FER1L5: variants seen among roughly 807,000 people sequenced by gnomAD.
The protein encoded by FER1L5 is fer-1-like protein 5.
A neutral mutation model predicts 279.9 loss-of-function variants in FER1L5; 187 were observed. The observed-to-expected ratio is 0.67, with a 90% CI of 0.59 to 0.75. The LOEUF (loss-of-function observed/expected upper bound fraction) is 0.75, where lower values mean the gene tolerates loss of function less well. Among genes scored for constraint, FER1L5 ranks in the 30% least tolerant of loss-of-function variants. FER1L5 has a pLI of 0.00. For missense variants in FER1L5, 2,091 were observed against 2,594.4 expected (o/e 0.81, Z 4.21); for synonymous variants, 921 against 989.7 (o/e 0.93, Z 1.30).
Position 96,693,648 on chromosome 2 carries a change from A to T in FER1L5, c.3435A>T (p.Pro1145=), listed in dbSNP as rs1176641875. The change falls in exon 32 of 53, where the codon CCA becomes CCT. Residue 1145 remains proline (P), a synonymous_variant. Transcript: ENST00000624922. ...YENPQDTKES[P]PLVVLELWQR... The stretch of plus-strand genomic sequence containing the variant: ...ACCCACAGGACACCAAAGAGAGCCC[A>T]CCGCTTGTGGTGCTGGAGCTGTGGC... The T allele has an allele frequency of 1.9e-6, 3 of 1,551,574 alleles. No homozygotes were observed. In the African/African-American group the frequency reaches 4.1e-5, roughly 21 times the overall value.
Position 96,691,585 on chromosome 2 carries a change from G to T in FER1L5, c.3048G>T (p.Ala1016=). 1.9e-6 allele frequency: 3 copies of T among 1,540,316 alleles called. No individual in the cohort carries two copies. The highest frequency in any genetic ancestry group is 2.6e-6 in the Non-Finnish European group (3 of 1,141,756). Residue 1016 remains alanine (A), a synonymous_variant, in exon 29 of 53, where the codon GCG becomes GCT. Transcript: ENST00000624922. This position sits in a 1 kb window ranked among gnomAD's most constrained non-coding sequence, Gnocchi z 6.0. Reference sequence around the variant, plus strand: ...CCCCCAACAAGGACAAGGGCATCGCGCCCATATTCCTCCTGGAGGGGTCCT... The same window carrying T: ...CCCCCAACAAGGACAAGGGCATCGCTCCCATATTCCTCCTGGAGGGGTCCT... The part of the protein sequence containing the change: ...RLAPNKDKGI[A]PIFLLEGSLA...
intron 9 of FER1L5, among the ~76,000 whole-genome samples, chr2:96,659,365 CTTT>C (rs1573816245): frequency 0.2 from 2,678 of 13,634 alleles, 18 homozygotes; most frequent in Non-Finnish European, 0.22. Flanking sequence ...TTCCTTCCTT[CTTT>C]CTTTCTTTCT....
intron 51 of FER1L5, among the ~76,000 whole-genome samples, chr2:96,703,840 T>C (rs2077682464): frequency 7.3e-6 from 1 of 136,236 alleles, no homozygotes; most frequent in East Asian, 2.1e-4. Context: ...TTTGAGATAA[T>C]TGTCTCACTC....
In FER1L5 at chr2:96,647,870, C is replaced by T; in HGVS notation, c.323C>T (p.Ser108Phe). Reference protein sequence around the residue: ...FVKDLTLLNHSMKPTDCTVTL... With the variant: ...FVKDLTLLNHFMKPTDCTVTL... ...AAGGACTTGACCCTGCTCAACCATT[C>T]CATGAAGCCCACAGATGTGAGTCAG... The change falls in exon 4 of 53, where the codon TCC (serine) becomes TTC (phenylalanine). Residue 108 changes from serine (S) to phenylalanine (F), a missense_variant. By Grantham distance (155) the Ser-to-Phe change is radical. Coordinates refer to ENST00000624922, the MANE Select transcript of FER1L5 (RefSeq NM_001293083.2). 2 of 1,551,768 alleles carry T rather than the reference C, an allele frequency of 1.3e-6. No homozygotes were observed. The highest frequency in any genetic ancestry group is 2.4e-5 in the East Asian group (1 of 40,924).
At chr2:96,692,277 A>G in intron 31 of FER1L5, 96 bp downstream of exon 31, 1 of 1,331,886 alleles carries the variant, frequency 7.5e-7, no homozygotes, top group Non-Finnish European at 1.1e-6. Flanking sequence ...CCCTGCTTGC[A>G]GTCCCAGCCA....
intron 9 of FER1L5, 160 bp downstream of exon 9, chr2:96,654,656 T>C (rs1412469826): frequency 5.4e-6 from 2 of 369,324 alleles, no homozygotes; most frequent in Non-Finnish European, 9.6e-6. Flanking sequence ...TCCCAGCACT[T>C]TGGGAGGCCG....
At position 96,688,515 on chromosome 2, in the gene FER1L5, C is replaced by G. The variant is rs536732820; in HGVS notation, c.2361+568C>G. On this transcript the variant is annotated intron_variant, in intron 24 of 52. Transcript: ENST00000624922. ...TCTAGAACCAGAGGAGGGGAGATGT[C>G]CTTGGCTCCCCGGGGGAAGGACATG... Among the ~76,000 whole-genome samples the G allele has an allele frequency of 3.9e-5, 6 of 152,274 alleles. No individual in the cohort carries two copies. The South Asian group carries it at 6.2e-4, about 16-fold the overall frequency.
chr2:96,654,678 T>C, intron 9 of FER1L5, 182 bp downstream of exon 9: 1 of 345,686 alleles, frequency 2.9e-6, no homozygotes. Context: ...GGCCGGTGGA[T>C]CACGAGGTCA....
Position 96,698,660 on chromosome 2 carries a change from C to T in FER1L5, c.4357-11C>T. 2 of 1,573,782 alleles carry T rather than the reference C, an allele frequency of 1.3e-6. No individual in the cohort carries two copies. The highest frequency in any genetic ancestry group is 8.6e-7 in the Non-Finnish European group (1 of 1,158,990). ...TGCCAGGCTGGGCCCCCAACACCCTCCCCCCGCCAGGGCCTTTTCCGCATC... is the reference window on the plus strand; with the variant it reads ...TGCCAGGCTGGGCCCCCAACACCCTTCCCCCGCCAGGGCCTTTTCCGCATC... On this transcript the variant is annotated splice_polypyrimidine_tract_variant and intron_variant, in intron 40 of 52. Coordinates refer to ENST00000624922, the MANE Select transcript of FER1L5 (RefSeq NM_001293083.2). The surrounding 1 kb of genome is among the most constrained non-coding windows in gnomAD (Gnocchi z 5.5).
At chr2:96,664,724 T>C (rs1421039367) in intron 14 of FER1L5, among the ~76,000 whole-genome samples, 1 of 152,200 alleles carries the variant, frequency 6.6e-6, no homozygotes, top group Non-Finnish European at 1.5e-5. Flanking sequence ...GATTCTATGG[T>C]AGATGTATTA....
intron 17 of FER1L5, among the ~76,000 whole-genome samples, chr2:96,669,372 A>G (rs773456181): frequency 1.3e-5 from 2 of 152,008 alleles, no homozygotes; most frequent in Non-Finnish European, 2.9e-5. Flanking sequence ...TTGAGAGGAG[A>G]CCATGGTAAG....
At chr2:96,697,452 C>A (rs1210402538) in intron 37 of FER1L5, 74 bp from the exon 38 acceptor site, 2 of 1,540,094 alleles carry the variant, frequency 1.3e-6, no homozygotes, top group African/African-American at 1.4e-5. Context: ...CTGGCCTCAA[C>A]CCCCCTCTCC....
At chr2:96,693,069 G>A (rs543206434) in intron 31 of FER1L5, among the ~76,000 whole-genome samples, 6 of 152,036 alleles carry the variant, frequency 3.9e-5, no homozygotes, top group South Asian at 2.1e-4. Context: ...CCAGCTATTC[G>A]GGAGGCTGAG....
Position 96,695,748 on chromosome 2 carries a change from C to G in FER1L5, c.3901C>G (p.Pro1301Ala). 1 of 1,611,700 alleles carries G rather than the reference C, an allele frequency of 6.2e-7. No homozygotes were observed. Among genetic ancestry groups the G allele is most frequent in the South Asian group, 1.1e-5 (1 of 90,524 alleles). ...ESVLVLTVLM[P>A]TEEAYALPLV... ...CGTCTCCTCGGGATTGCAGCTCATG[C>G]CGACGGAGGAGGCCTATGCACTGCC... Residue 1301 changes from proline (P) to alanine (A), a missense_variant, in exon 36 of 53, where the codon CCG becomes GCG. Coordinates refer to ENST00000624922, the MANE Select transcript of FER1L5 (RefSeq NM_001293083.2).
Position 96,642,804 on chromosome 2 carries a change from G to A in FER1L5, c.-33G>A, listed in dbSNP as rs1055397609. ...TCCAAAAAGGAAGCTGTGGCGCTGC[G>A]TAGGGAAGGAGGGAAGAAAGTAGGT... On this transcript the variant is annotated 5_prime_UTR_variant, in exon 1 of 53. Transcript: ENST00000624922. The A allele has an allele frequency of 1.3e-6, 2 of 1,547,894 alleles. No homozygotes were observed. The highest frequency in any genetic ancestry group is 1.7e-6 in the Non-Finnish European group (2 of 1,144,980).
rs1455685010 is a variant in FER1L5, at chr2:96,693,647, C to A, written c.3434C>A (p.Pro1145Gln). The A allele has an allele frequency of 6.4e-7, 1 of 1,551,722 alleles. No individual in the cohort carries two copies. Among genetic ancestry groups the A allele is most frequent in the Non-Finnish European group, 8.7e-7 (1 of 1,146,988 alleles). The change falls in exon 32 of 53, where the codon CCA becomes CAA. Residue 1145 changes from proline (P) to glutamine (Q), a missense_variant. Coordinates refer to ENST00000624922, the MANE Select transcript of FER1L5 (RefSeq NM_001293083.2). The part of the protein sequence containing the change: ...YENPQDTKES[P>Q]PLVVLELWQR... ...AACCCACAGGACACCAAAGAGAGCC[C>A]ACCGCTTGTGGTGCTGGAGCTGTGG...
chr2:96,685,517 C>A, intron 21 of FER1L5, 88 bp downstream of exon 21: 3 of 1,102,676 alleles, frequency 2.7e-6, no homozygotes, highest in Non-Finnish European at 3.9e-6. Context: ...CTGAACACCT[C>A]CCCCCGCCCT....
Position 96,689,782 on chromosome 2 carries a change from G to A in FER1L5, c.2640+24G>A, listed in dbSNP as rs767186369. On this transcript the variant is annotated intron_variant, in intron 26 of 52. Coordinates refer to ENST00000624922, the MANE Select transcript of FER1L5 (RefSeq NM_001293083.2). The surrounding 1 kb of genome is among the most constrained non-coding windows in gnomAD (Gnocchi z 4.6). The stretch of plus-strand genomic sequence containing the variant: ...TGGTGAGCAGGGCCGAAGCTGCCTC[G>A]GGTTAGGGGGCAAGCAAGGCCACCA... 45 of 1,518,984 alleles carry A rather than the reference G, an allele frequency of 3.0e-5. No individual in the cohort carries two copies. Among genetic ancestry groups the A allele is most frequent in the African/African-American group, 2.5e-4 (18 of 71,820 alleles). The allele number at this position is 1,518,984 out of a possible 1,614,324, so 94.1% of individuals were successfully genotyped here. A position where few individuals can be genotyped will look rare whatever the true frequency, so the allele number is the denominator to read the frequency against.
At chr2:96,703,468 C>A in intron 50 of FER1L5, 55 bp from the exon 51 acceptor site, 2 of 1,610,866 alleles carry the variant, frequency 1.2e-6, no homozygotes, top group Non-Finnish European at 1.7e-6. Context: ...GGTCCTAAAA[C>A]TACCCGGCTC....
Sources: gnomAD v4.1 joint callset for allele counts (sites outside exome capture counted in the v4.1 genomes callset) on GRCh38, gnomAD v4.1.1 for gene constraint, Gnocchi (gnomAD v3.1) non-coding constraint, MANE v1.5 for transcripts, NCBI Gene and HGNC (gene_info 2026-07-23, HGNC 2026-07-21) for gene names.